Variants in DNAH5 observed in about 807,000 individuals in gnomAD.
The protein encoded by DNAH5 is dynein axonemal heavy chain 5, also known as axonemal beta dynein heavy chain 5.
A neutral mutation model predicts 518.2 loss-of-function variants in DNAH5; 372 were observed. The ratio of observed to expected loss-of-function variants is 0.72; its 90% CI spans 0.66 to 0.78. The LOEUF is 0.78. Among genes scored for constraint, DNAH5 ranks in the 30% least tolerant of loss-of-function variants. The probability of loss-of-function intolerance (pLI) is 0.00; values close to 1 mark genes in which losing one functional copy is unlikely to be tolerated. For synonymous variants in DNAH5, 2,039 were observed against 2,025.9 expected (o/e 1.01, Z -0.17); for missense variants, 5,523 against 5,687.0 (o/e 0.97, Z 0.93).
chr5:13,898,532 C>T (rs948063980), intron 15 of DNAH5: 69 of 398,372 alleles, frequency 1.7e-4, no homozygotes, highest in Admixed American at 3.5e-4. Flanking sequence ...GGTGGGAAGA[C>T]GATGGACTAC....
chr5:13,751,874 G>A (rs1484427595), intron 64 of DNAH5, among the ~76,000 whole-genome samples: 1 of 152,182 alleles, frequency 6.6e-6, no homozygotes, highest in East Asian at 1.9e-4. Flanking sequence ...CAGAAGGGGA[G>A]AGGGGCATGG....
At chr5:13,899,025 G>C (rs1774248931) in intron 15 of DNAH5, 1 of 156,306 alleles carries the variant, frequency 6.4e-6, no homozygotes, top group African/African-American at 2.4e-5. Context: ...TCCATCTCTA[G>C]GTTCAAGAGA....
chr5:13,946,647 C>A (rs1207065150), upstream of DNAH5, among the ~76,000 whole-genome samples: 4 of 152,176 alleles, frequency 2.6e-5, no homozygotes, highest in African/African-American at 7.2e-5. Context: ...AGGACTCACA[C>A]GAGGGAGGTC....
intron 1 of DNAH5, among the ~76,000 whole-genome samples, chr5:14,008,802 C>T (rs896007608): frequency 6.6e-6 from 1 of 152,194 alleles, no homozygotes; most frequent in Admixed American, 6.5e-5. Context: ...CTGAACTGCC[C>T]AGGTATCTGT....
chr5:13,777,491 T>C, intron 53 of DNAH5, 136 bp from the exon 54 acceptor site: 1 of 633,512 alleles, frequency 1.6e-6, no homozygotes, highest in East Asian at 2.8e-5. Flanking sequence ...GTATTCTATA[T>C]GAATGTTACT....
chr5:14,008,646 A>G (rs1026174824), intron 1 of DNAH5, among the ~76,000 whole-genome samples: 32 of 152,240 alleles, frequency 2.1e-4, no homozygotes, highest in African/African-American at 7.2e-4. Context: ...AAAAAAAAGA[A>G]AAACAAAAAC....
At position 13,913,858 on chromosome 5, in the gene DNAH5, T is replaced by A. The variant is rs769748389; in HGVS notation, c.1421A>T (p.Glu474Val). 6.2e-7 allele frequency: 1 copy of A among 1,613,696 alleles called. No individual in the cohort carries two copies. The highest frequency in any genetic ancestry group is 2.2e-5 in the East Asian group (1 of 44,856). The change falls in exon 11 of 79, where the codon GAA becomes GTA. Residue 474 changes from glutamate (E) to valine (V), a missense_variant. Glu to Val is a moderately radical substitution (Grantham distance 121). Coordinates refer to ENST00000265104, the MANE Select transcript of DNAH5 (RefSeq NM_001369.3). ...FSEMYIFGKF[E>V]TFHRRLAKII... The stretch of plus-strand genomic sequence containing the variant: ...CTTGGCAAGGCGTCGGTGAAAAGTT[T>A]CGAATTTTCCAAAAATATACATCTC...
chr5:13,835,677 G>T (rs7356679), intron 35 of DNAH5, among the ~76,000 whole-genome samples: 1 of 151,488 alleles, frequency 6.6e-6, no homozygotes. Context: ...ATGCAAATCA[G>T]ACACCGCCTC....
At chr5:13,870,604 T>C (rs867293528) in intron 24 of DNAH5, among the ~76,000 whole-genome samples, 163 bp downstream of exon 24, 4 of 152,170 alleles carry the variant, frequency 2.6e-5, no homozygotes, top group African/African-American at 9.7e-5. Flanking sequence ...AACTGGCCCA[T>C]GGAAGGCAAT....
chr5:13,819,941 G>C (rs1036274470), intron 41 of DNAH5, among the ~76,000 whole-genome samples: 11 of 152,078 alleles, frequency 7.2e-5, no homozygotes, highest in African/African-American at 2.7e-4. Flanking sequence ...GAAATGGCAT[G>C]GTATGTTGGG....
At chr5:13,783,005 G>A (rs1755424901) in intron 52 of DNAH5, among the ~76,000 whole-genome samples, 1 of 152,164 alleles carries the variant, frequency 6.6e-6, no homozygotes, top group Non-Finnish European at 1.5e-5. Context: ...CATGAGCCAT[G>A]GTGAGCACTG....
At chr5:13,754,088 T>C in intron 62 of DNAH5, 115 bp downstream of exon 62, 1 of 1,233,936 alleles carries the variant, frequency 8.1e-7, no homozygotes, top group Non-Finnish European at 1.2e-6. Context: ...GCGGGTTTGT[T>C]ACATATGTAT....
chr5:13,753,788 C>T (rs754681057), intron 62 of DNAH5, among the ~76,000 whole-genome samples: 18 of 152,188 alleles, frequency 1.2e-4, no homozygotes, highest in Non-Finnish European at 2.5e-4. Flanking sequence ...ATTATCTTTA[C>T]TCTCATTAGA....
In DNAH5 at chr5:13,796,703, T is replaced by A. The variant is rs188957040; in HGVS notation, c.7888-2645A>T. ...TTCACAGAATTGGAAAAAACTACTT[T>A]AAATTTCATATGGAACCAAAAAAGA... On this transcript the variant is annotated intron_variant, in intron 47 of 78. Transcript: ENST00000265104. Among the ~76,000 whole-genome samples, 343 of 152,296 alleles carry A rather than the reference T, an allele frequency of 2.3e-3. 3 individuals carry two copies. Among genetic ancestry groups the A allele is most frequent in the African/African-American group, 8.0e-3 (333 of 41,564 alleles).
chr5:13,753,014 C>T (rs899295454), intron 63 of DNAH5, among the ~76,000 whole-genome samples: 4 of 151,296 alleles, frequency 2.6e-5, no homozygotes, highest in African/African-American at 7.3e-5. Flanking sequence ...TAGCCTGAAA[C>T]CATTGAAAGA....
intron 65 of DNAH5, among the ~76,000 whole-genome samples, chr5:13,738,816 C>T (rs563358851): frequency 1.6e-4 from 24 of 151,924 alleles, no homozygotes; most frequent in Non-Finnish European, 2.6e-4. Context: ...ATCTGTGATG[C>T]TAAAGAAAAG....
intron 1 of DNAH5, among the ~76,000 whole-genome samples, chr5:13,979,151 C>T (rs1161462171): frequency 6.6e-6 from 1 of 152,112 alleles, no homozygotes; most frequent in East Asian, 1.9e-4. Context: ...CTTTCCGGCT[C>T]ACTGTTCCCT....
chr5:13,901,230 G>A, intron 14 of DNAH5, 22 bp downstream of exon 14: 2 of 1,608,422 alleles, frequency 1.2e-6, no homozygotes, highest in Non-Finnish European at 1.7e-6. Flanking sequence ...ACAATGGGAA[G>A]AGTATAAATT....
intron 30 of DNAH5, among the ~76,000 whole-genome samples, chr5:13,852,458 C>T (rs895238174): frequency 2.8e-5 from 4 of 143,428 alleles, no homozygotes; most frequent in East Asian, 2.0e-4. Flanking sequence ...TGAGCCACCA[C>T]GCCCAGCCAG....
Sources: gnomAD v4.1 joint callset for allele counts (sites outside exome capture counted in the v4.1 genomes callset) on GRCh38, gnomAD v4.1.1 for gene constraint, MANE v1.5 for transcripts, NCBI Gene and HGNC (gene_info 2026-07-23, HGNC 2026-07-21) for gene names.